Variants in ATRNL1 observed in about 807,000 individuals in gnomAD.
The protein encoded by ATRNL1 is attractin-like protein 1.
ATRNL1 carries 95 observed loss-of-function variants against 182.7 expected under a neutral mutation model. That is an observed-to-expected ratio of 0.52 (90% CI 0.44 to 0.62). ATRNL1 has a LOEUF of 0.62. Ranked by LOEUF, ATRNL1 falls within the 20% of genes least tolerant of loss-of-function variation. The pLI, the probability that ATRNL1 is intolerant of heterozygous loss-of-function variation, is 0.00. For missense variants in ATRNL1, 1,471 were observed against 1,679.5 expected (o/e 0.88, Z 2.17); for synonymous variants, 576 against 568.3 (o/e 1.01, Z -0.19).
intron 26 of ATRNL1, among the ~76,000 whole-genome samples, chr10:115,596,343 G>A (rs59118492): frequency 0.011 from 1,658 of 152,164 alleles, 29 homozygotes; most frequent in African/African-American, 0.038. Flanking sequence ...CAACCTCAAG[G>A]GATCCACCTG....
intron 28 of ATRNL1, among the ~76,000 whole-genome samples, chr10:115,912,399 CAT>C (rs1252466516): frequency 1.9e-4 from 22 of 116,734 alleles, no homozygotes; most frequent in Admixed American, 6.1e-4. Flanking sequence ...TAGTGAAATA[CAT>C]ATATATATAT....
intron 10 of ATRNL1, among the ~76,000 whole-genome samples, chr10:115,248,755 T>G (rs1308162316): frequency 2.6e-5 from 4 of 152,102 alleles, no homozygotes; most frequent in African/African-American, 9.7e-5. Context: ...TAAAAGAAGT[T>G]TTGAAGTAGG....
intron 1 of ATRNL1, among the ~76,000 whole-genome samples, chr10:115,110,214 A>G (rs1463031929): frequency 6.6e-6 from 1 of 152,150 alleles, no homozygotes; most frequent in Non-Finnish European, 1.5e-5. Context: ...TGTCATGATT[A>G]TGTTATGTCA....
At chr10:115,252,314 A>G (rs1392881723) in intron 10 of ATRNL1, among the ~76,000 whole-genome samples, 1 of 152,144 alleles carries the variant, frequency 6.6e-6, no homozygotes, top group Admixed American at 6.6e-5. Context: ...GGCGTGAGCC[A>G]CCGTGACCAG....
intron 5 of ATRNL1, among the ~76,000 whole-genome samples, chr10:115,143,219 C>T (rs1845822795): frequency 6.6e-6 from 1 of 152,124 alleles, no homozygotes; most frequent in African/African-American, 2.4e-5. Flanking sequence ...CATATAAATT[C>T]CTTTCTTAGA....
At chr10:115,202,912 CTGT>C (rs1247957353) in intron 8 of ATRNL1, among the ~76,000 whole-genome samples, 2 of 149,876 alleles carry the variant, frequency 1.3e-5, no homozygotes, top group African/African-American at 4.9e-5. Context: ...ATTTCAGAGC[CTGT>C]TATTGGTCTA....
chr10:115,307,485 C>G (rs1853792937), intron 17 of ATRNL1, among the ~76,000 whole-genome samples: 1 of 152,264 alleles, frequency 6.6e-6, no homozygotes, highest in South Asian at 2.1e-4. Flanking sequence ...TGGTCTTGAA[C>G]TCCTGACTTC....
chr10:115,388,688 G>A (rs946403560), intron 19 of ATRNL1, among the ~76,000 whole-genome samples: 22 of 151,558 alleles, frequency 1.5e-4, no homozygotes, highest in Non-Finnish European at 5.9e-5. Context: ...TATTATATTT[G>A]TTGTGCTTAT....
intron 26 of ATRNL1, among the ~76,000 whole-genome samples, chr10:115,658,230 G>A (rs1860458432): frequency 6.6e-6 from 1 of 150,596 alleles, no homozygotes; most frequent in African/African-American, 2.4e-5. Flanking sequence ...TGAGTAGCTA[G>A]GACTACAGGC....
chr10:115,184,193 C>G (rs1193271723), intron 8 of ATRNL1, among the ~76,000 whole-genome samples: 13 of 151,294 alleles, frequency 8.6e-5, no homozygotes, highest in African/African-American at 3.1e-4. Flanking sequence ...AATCACATTT[C>G]TAATAACGCT....
chr10:115,220,075 C>T (rs1325364968), intron 9 of ATRNL1, among the ~76,000 whole-genome samples: 1 of 152,230 alleles, frequency 6.6e-6, no homozygotes, highest in Non-Finnish European at 1.5e-5. Context: ...AATTGTGCCT[C>T]AGTATCCTCT....
intron 9 of ATRNL1, among the ~76,000 whole-genome samples, chr10:115,239,560 C>T (rs1305328798): frequency 1.6e-4 from 25 of 152,022 alleles, no homozygotes; most frequent in African/African-American, 2.4e-5. Flanking sequence ...GCCTACCTCT[C>T]CTCCTGGGGA....
intron 20 of ATRNL1, among the ~76,000 whole-genome samples, chr10:115,419,770 G>A (rs1042802040): frequency 2.0e-5 from 3 of 152,128 alleles, no homozygotes; most frequent in African/African-American, 7.2e-5. Flanking sequence ...TGTATATAAA[G>A]CAAATATTAA....
At chr10:115,197,482 A>C (rs1231486355) in intron 8 of ATRNL1, among the ~76,000 whole-genome samples, 1 of 152,168 alleles carries the variant, frequency 6.6e-6, no homozygotes, top group East Asian at 1.9e-4. Flanking sequence ...TATCTGTTCC[A>C]GGACTTTGTG....
chr10:115,479,282 C>T (rs1554973698), intron 24 of ATRNL1, among the ~76,000 whole-genome samples: 1 of 151,440 alleles, frequency 6.6e-6, no homozygotes, highest in African/African-American at 2.4e-5. Context: ...AGTCTTATAT[C>T]TATGAATGGA....
chr10:115,370,010 C>A (rs1008180256), intron 19 of ATRNL1, among the ~76,000 whole-genome samples: 7 of 152,182 alleles, frequency 4.6e-5, no homozygotes, highest in Non-Finnish European at 1.0e-4. Context: ...AGGGGTGGAT[C>A]TTTCCCATGC....
intron 21 of ATRNL1, among the ~76,000 whole-genome samples, chr10:115,449,607 C>A (rs76057608): frequency 1.3e-5 from 2 of 152,132 alleles, no homozygotes; most frequent in Admixed American, 6.6e-5. Context: ...TGTGGGTACC[C>A]CCCAGACACT....
At chr10:115,445,017 C>A (rs1554966369) in intron 21 of ATRNL1, among the ~76,000 whole-genome samples, 1 of 151,926 alleles carries the variant, frequency 6.6e-6, no homozygotes, top group Non-Finnish European at 1.5e-5. Flanking sequence ...AGGCTTGAGC[C>A]ACTGCACCCG....
intron 24 of ATRNL1, among the ~76,000 whole-genome samples, chr10:115,501,441 C>T (rs1849832313): frequency 1.3e-5 from 2 of 152,184 alleles, no homozygotes; most frequent in South Asian, 4.1e-4. Flanking sequence ...TTCCATGGGG[C>T]TGTTATTGGC....
Sources: allele counts gnomAD v4.1 joint callset (sites outside exome capture counted in the v4.1 genomes callset), GRCh38; gene constraint gnomAD v4.1.1; transcripts MANE v1.5; gene names NCBI Gene and HGNC (gene_info 2026-07-23, HGNC 2026-07-21).